The following CCSER1 variants were observed in gnomAD, a reference collection of about 807,000 sequenced individuals.
CCSER1 encodes the protein serine-rich coiled-coil domain-containing protein 1.
Under a neutral mutation model 82.0 loss-of-function variants are expected in CCSER1, and 41 were observed. That is an observed-to-expected ratio of 0.50 (90% CI 0.39 to 0.65). The LOEUF (loss-of-function observed/expected upper bound fraction) is 0.65. Among genes scored for constraint, CCSER1 ranks in the 30% least tolerant of loss-of-function variants. The pLI, the probability that CCSER1 is intolerant of heterozygous loss-of-function variation, is 0.00. For missense variants in CCSER1, 1,119 were observed against 1,064.2 expected (o/e 1.05, Z -0.72); for synonymous variants, 414 against 383.9 (o/e 1.08, Z -0.92).
chr4:91,104,502 A>G (rs1725408237), intron 10 of CCSER1, among the ~76,000 whole-genome samples: 1 of 150,390 alleles, frequency 6.6e-6, no homozygotes, highest in Non-Finnish European at 1.5e-5. Flanking sequence ...GACAGAACCT[A>G]TGTTGAAATA....
At chr4:90,247,427 ATATAT>A (rs1186892456) in intron 1 of CCSER1, among the ~76,000 whole-genome samples, 1 of 152,180 alleles carries the variant, frequency 6.6e-6, no homozygotes, top group African/African-American at 2.4e-5. Context: ...TAACAAGAAA[ATATAT>A]TGAAGAAAAC....
rs748934973 is a variant in CCSER1 at position 90,341,942 on chromosome 4, G to A, written c.1509+28895G>A. 6.9e-4 allele frequency among the ~76,000 whole-genome samples: 105 copies of A among 152,222 alleles called. 1 individual carries two copies. Among genetic ancestry groups the A allele is most frequent in the Non-Finnish European group, 1.4e-3 (94 of 67,980 alleles). ...AACCTCAATGTAAATATAAGCTTTA[G>A]AATGCAGGGGTTTATTTGGTGGATT... On this transcript the variant is annotated intron_variant, in intron 3 of 10. Coordinates refer to ENST00000509176, the MANE Select transcript of CCSER1 (RefSeq NM_001145065.2).
intron 5 of CCSER1, among the ~76,000 whole-genome samples, chr4:90,585,507 A>C (rs1056292296): frequency 3.3e-5 from 5 of 152,182 alleles, no homozygotes; most frequent in Admixed American, 6.5e-5. Flanking sequence ...AAATGATTCA[A>C]TATACTCTAA....
At position 91,598,849 on chromosome 4, in the gene CCSER1, C is replaced by T. The variant is rs765122905; in HGVS notation, c.2495C>T (p.Pro832Leu). 2 of 1,551,588 alleles carry T rather than the reference C, an allele frequency of 1.3e-6. No individual in the cohort carries two copies. The highest frequency in any genetic ancestry group is 2.4e-5 in the South Asian group (2 of 84,066). ...ACCGTTGGGCAGAGCTCTCTGAAGC[C>T]AACAGCTAAGACAGAAGGGCTCTCC... ...RATVGQSSLK[P>L]TAKTEGLSTF... Residue 832 changes from proline to leucine, a missense_variant, in exon 11 of 11, where the codon CCA (proline) becomes CTA (leucine). By Grantham distance (98) the Pro-to-Leu change is moderately conservative. Coordinates refer to ENST00000509176, the MANE Select transcript of CCSER1 (RefSeq NM_001145065.2).
chr4:91,572,799 T>C (rs1460575020), intron 10 of CCSER1, among the ~76,000 whole-genome samples: 1 of 144,664 alleles, frequency 6.9e-6, no homozygotes, highest in East Asian at 2.0e-4. Context: ...CTGTCTCTAC[T>C]AAAAATCTAT....
intron 10 of CCSER1, among the ~76,000 whole-genome samples, chr4:91,569,499 A>C (rs1763062103): frequency 6.6e-6 from 1 of 152,142 alleles, no homozygotes; most frequent in Non-Finnish European, 1.5e-5. Context: ...AGTTTAATTG[A>C]TTCACAATTC....
intron 10 of CCSER1, among the ~76,000 whole-genome samples, chr4:91,219,222 G>T (rs1226285441): frequency 6.7e-6 from 1 of 149,604 alleles, no homozygotes; most frequent in East Asian, 2.0e-4. Context: ...ATAAAAGCCA[G>T]TATGTGTCCA....
chr4:91,415,797 G>T (rs1753326969), intron 10 of CCSER1, among the ~76,000 whole-genome samples: 1 of 152,024 alleles, frequency 6.6e-6, no homozygotes, highest in Non-Finnish European at 1.5e-5. Context: ...ATGTGCTGCT[G>T]GATTTCGTTT....
rs545858598 is a variant in CCSER1 at position 90,305,764 on chromosome 4, A to G, written c.-41-2480A>G. On this transcript the variant is annotated intron_variant, in intron 1 of 10. Transcript: ENST00000509176. ...AATTAGCACAGCCTCTATGGAACAC[A>G]GTATGGAGGTTCCTCAAAAACTAAA... Among the ~76,000 whole-genome samples the G allele has an allele frequency of 1.2e-4, 19 of 152,342 alleles. No individual in the cohort carries two copies. The South Asian group carries it at 1.7e-3, about 13-fold the overall frequency.
intron 6 of CCSER1, among the ~76,000 whole-genome samples, chr4:90,702,262 G>T (rs1419135777): frequency 6.6e-6 from 1 of 152,090 alleles, no homozygotes; most frequent in Non-Finnish European, 1.5e-5. Flanking sequence ...CTGTTTATAT[G>T]CTGGATTACG....
intron 10 of CCSER1, among the ~76,000 whole-genome samples, chr4:91,444,983 G>A (rs773033100): frequency 1.4e-4 from 21 of 152,134 alleles, no homozygotes; most frequent in Middle Eastern, 6.3e-3. Context: ...TGCTATTACA[G>A]GAAAGAGAGT....
At chr4:90,515,785 T>C (rs1309715925) in intron 5 of CCSER1, among the ~76,000 whole-genome samples, 1 of 152,116 alleles carries the variant, frequency 6.6e-6, no homozygotes, top group African/African-American at 2.4e-5. Context: ...GGTCACAAAT[T>C]GTTATATGTC....
chr4:91,049,985 A>G (rs1306792814), intron 9 of CCSER1, among the ~76,000 whole-genome samples: 1 of 151,944 alleles, frequency 6.6e-6, no homozygotes, highest in Non-Finnish European at 1.5e-5. Flanking sequence ...CTAAACTTCA[A>G]TATTTTCCTT....
At chr4:90,607,545 A>T (rs986646561) in intron 5 of CCSER1, among the ~76,000 whole-genome samples, 1 of 152,168 alleles carries the variant, frequency 6.6e-6, no homozygotes, top group Non-Finnish European at 1.5e-5. Context: ...TCATAGAAGC[A>T]TCACCCTGAT....
At chr4:91,250,572 A>AT (rs1273664612) in intron 10 of CCSER1, among the ~76,000 whole-genome samples, 4 of 151,570 alleles carry the variant, frequency 2.6e-5, no homozygotes, top group Non-Finnish European at 4.4e-5. Context: ...CAAATTAAAA[A>AT]ATATATATAT....
At chr4:90,866,283 G>A (rs1765718601) in intron 8 of CCSER1, among the ~76,000 whole-genome samples, 1 of 151,926 alleles carries the variant, frequency 6.6e-6, no homozygotes, top group African/African-American at 2.4e-5. Flanking sequence ...TTGCTTTGAG[G>A]AAATATTTGA....
chr4:90,952,776 A>G (rs949826610), intron 9 of CCSER1, among the ~76,000 whole-genome samples: 1 of 152,008 alleles, frequency 6.6e-6, no homozygotes, highest in Admixed American at 6.6e-5. Flanking sequence ...AGTTTTGACC[A>G]AGATATCTAG....
At chr4:90,737,431 G>A (rs901612858) in intron 7 of CCSER1, among the ~76,000 whole-genome samples, 17 of 152,258 alleles carry the variant, frequency 1.1e-4, no homozygotes, top group African/African-American at 4.1e-4. Context: ...CTCTAAATAT[G>A]TAATGCCATT....
intron 8 of CCSER1, among the ~76,000 whole-genome samples, chr4:90,873,518 A>T (rs1178196207): frequency 6.6e-6 from 1 of 152,068 alleles, no homozygotes; most frequent in African/African-American, 2.4e-5. Flanking sequence ...AAATCTTTAC[A>T]ATGGTATTGA....
Sources: allele counts gnomAD v4.1 joint callset (sites outside exome capture counted in the v4.1 genomes callset), GRCh38; gene constraint gnomAD v4.1.1; transcripts MANE v1.5; gene names NCBI Gene and HGNC (gene_info 2026-07-23, HGNC 2026-07-21).